Variants in NTN1 observed in about 807,000 individuals in gnomAD.
NTN1 encodes netrin-1.
Under a neutral mutation model 54.2 loss-of-function variants are expected in NTN1, and 11 were observed. That is an observed-to-expected ratio of 0.20 (90% CI 0.13 to 0.34). The LOEUF (loss-of-function observed/expected upper bound fraction) is 0.34, where lower values mean the gene tolerates loss of function less well. Ranked by LOEUF, NTN1 falls within the 10% of genes least tolerant of loss-of-function variation. The pLI is 1.00. For synonymous variants in NTN1, 371 were observed against 382.0 expected (o/e 0.97, Z 0.33); for missense variants, 740 against 893.1 (o/e 0.83, Z 2.18).
chr17:9,045,683 G>A (rs1232545543), intron 2 of NTN1, among the ~76,000 whole-genome samples: 3 of 152,190 alleles, frequency 2.0e-5, no homozygotes, highest in Non-Finnish European at 4.4e-5. Context: ...TGGGGGCAGG[G>A]AAGGAGAGAT....
intron 3 of NTN1, chr17:9,171,990 G>A (rs2092388264): frequency 6.8e-6 from 1 of 147,464 alleles, no homozygotes; most frequent in African/African-American, 2.5e-5. Context: ...ACGGGTTCAA[G>A]TGATTCTCCT....
chr17:9,229,008 A>G (rs1366821285), intron 6 of NTN1, among the ~76,000 whole-genome samples: 1 of 102,124 alleles, frequency 9.8e-6, no homozygotes, highest in Non-Finnish European at 1.9e-5. Context: ...CTGTGACTGT[A>G]AGTGTGACTG....
chr17:9,085,570 G>C (rs776847759), intron 2 of NTN1, among the ~76,000 whole-genome samples: 1 of 152,198 alleles, frequency 6.6e-6, no homozygotes, highest in Non-Finnish European at 1.5e-5. Flanking sequence ...CTGTGCCTCA[G>C]TTCTTGCATC....
rs1435827656 is a variant in NTN1, at chr17:9,109,155, G to C, written c.1019-53658G>C. Reference sequence around the variant, plus strand: ...CTCCCAAAGTGCAAGGATTACAGGCGTGAGGCACAGTGCCTGGCCTGAAGT... The same window carrying C: ...CTCCCAAAGTGCAAGGATTACAGGCCTGAGGCACAGTGCCTGGCCTGAAGT... On this transcript the variant is annotated intron_variant, in intron 2 of 6. Transcript: ENST00000173229. Among the ~76,000 whole-genome samples, 3 of 152,206 alleles carry C rather than the reference G, an allele frequency of 2.0e-5. 1 individual carries two copies. In the East Asian group the frequency reaches 5.8e-4, roughly 29 times the overall value.
intron 5 of NTN1, among the ~76,000 whole-genome samples, chr17:9,208,341 G>A (rs914470594): frequency 4.6e-5 from 7 of 152,318 alleles, no homozygotes; most frequent in African/African-American, 7.2e-5. Context: ...GGGAGCCTGT[G>A]TTTGTGGGTT....
chr17:9,105,065 T>C (rs2092161665), intron 2 of NTN1, among the ~76,000 whole-genome samples: 1 of 152,186 alleles, frequency 6.6e-6, no homozygotes, highest in Non-Finnish European at 1.5e-5. Flanking sequence ...GACCCGGCAG[T>C]CCAAGGACAG....
the NTN1 span, among the ~76,000 whole-genome samples, chr17:9,015,202 G>A: frequency 5.3e-5 from 8 of 152,056 alleles, no homozygotes; most frequent in African/African-American, 1.7e-4. Context: ...CTTGAGGTCC[G>A]GAGTTCAAGA....
intron 2 of NTN1, among the ~76,000 whole-genome samples, chr17:9,146,435 C>G (rs2092313392): frequency 6.6e-6 from 1 of 152,226 alleles, no homozygotes; most frequent in African/African-American, 2.4e-5. Context: ...CTCACTCCTT[C>G]TGGGCACAGA....
intron 2 of NTN1, among the ~76,000 whole-genome samples, chr17:9,026,522 G>A (rs2091871572): frequency 6.6e-6 from 1 of 152,040 alleles, no homozygotes; most frequent in Admixed American, 6.6e-5. Flanking sequence ...GTGTTCACAT[G>A]CTTTTATACA....
At chr17:9,159,415 G>A (rs2092351482) in intron 2 of NTN1, among the ~76,000 whole-genome samples, 1 of 152,152 alleles carries the variant, frequency 6.6e-6, no homozygotes, top group African/African-American at 2.4e-5. Context: ...TCAAGCACGT[G>A]GTGAAATAGG....
intron 2 of NTN1, among the ~76,000 whole-genome samples, chr17:9,151,940 C>T (rs909708368): frequency 6.6e-6 from 1 of 152,192 alleles, no homozygotes; most frequent in Non-Finnish European, 1.5e-5. Flanking sequence ...TAAAACGCAT[C>T]AATCAGCCCG....
chr17:9,041,438 C>T (rs566596411), intron 2 of NTN1, among the ~76,000 whole-genome samples: 15 of 152,292 alleles, frequency 9.8e-5, no homozygotes, highest in East Asian at 3.9e-4. Context: ...AATAGAATCA[C>T]GTAACATATG....
chr17:9,022,515 C>A lies in NTN1; in HGVS notation c.142C>A (p.Pro48Thr), dbSNP rs866400724. 6.5e-7 allele frequency: 1 copy of A among 1,548,064 alleles called. No individual in the cohort carries two copies. Among genetic ancestry groups the A allele is most frequent in the Non-Finnish European group, 8.7e-7 (1 of 1,150,238 alleles). ...PDPCSDENGH[P>T]RRCIPDFVNA... is the part of the protein sequence containing the mutation. ...TCCCTGCTCGGACGAGAACGGCCAC[C>A]CGCGCCGCTGCATCCCGGACTTTGT... Residue 48 changes from proline to threonine, a missense_variant, in exon 2 of 7, where the codon CCG (proline) becomes ACG (threonine). Coordinates refer to ENST00000173229, the MANE Select transcript of NTN1 (RefSeq NM_004822.3).
intron 2 of NTN1, among the ~76,000 whole-genome samples, chr17:9,128,065 C>T (rs1212321474): frequency 6.6e-5 from 10 of 151,320 alleles, no homozygotes; most frequent in Non-Finnish European, 2.9e-5. Flanking sequence ...TGCAGTGAGC[C>T]GAGATTGCGC....
In NTN1 at chr17:9,023,030, C is replaced by T. The variant is rs1368422510; in HGVS notation, c.657C>T (p.Ala219=). 1 of 1,597,760 alleles carries T rather than the reference C, an allele frequency of 6.3e-7. No individual in the cohort carries two copies. Residue 219 remains alanine, a synonymous_variant, in exon 2 of 7, where the codon GCC becomes GCT. Coordinates refer to ENST00000173229, the MANE Select transcript of NTN1 (RefSeq NM_004822.3). ...GCCCGCTCTCGGGCGGCCTCATCGC[C>T]TTCAGCACGCTGGACGGGCGGCCCT... The part of the protein sequence containing the change: ...DMRPLSGGLI[A]FSTLDGRPSA...
chr17:9,117,511 C>T (rs2092217612), intron 2 of NTN1, among the ~76,000 whole-genome samples: 1 of 151,944 alleles, frequency 6.6e-6, no homozygotes, highest in Middle Eastern at 3.4e-3. Flanking sequence ...TTTGGGAGGC[C>T]GAGGAGGGTG....
In NTN1 at chr17:9,179,834, C is replaced by T. The variant is rs2092413066; in HGVS notation, c.1235C>T (p.Ala412Val). 1 of 1,613,906 alleles carries T rather than the reference C, an allele frequency of 6.2e-7. No homozygotes were observed. The highest frequency in any genetic ancestry group is 1.3e-5 in the African/African-American group (1 of 74,944). The change falls in exon 4 of 7, where the codon GCT becomes GTT. Residue 412 changes from alanine (A) to valine (V), a missense_variant. By Grantham distance (64) the Ala-to-Val change is moderately conservative (BLOSUM62 0). Transcript: ENST00000173229. The stretch of plus-strand genomic sequence containing the variant: ...TGTGATTGCCACCCTGTGGGTGCTG[C>T]TGGCAAAACCTGCAACCAAACCACC... ...KACDCHPVGA[A>V]GKTCNQTTGQ... is the part of the protein sequence containing the mutation.
chr17:9,167,128 T>G (rs1356284055), intron 3 of NTN1, among the ~76,000 whole-genome samples: 1 of 152,188 alleles, frequency 6.6e-6, no homozygotes, highest in Non-Finnish European at 1.5e-5. Flanking sequence ...TCAGTGCGAT[T>G]TCACAGCACT....
intron 2 of NTN1, among the ~76,000 whole-genome samples, chr17:9,061,063 T>C (rs1003509883): frequency 1.3e-5 from 2 of 151,766 alleles, no homozygotes; most frequent in African/African-American, 4.8e-5. Flanking sequence ...TCAACCACAG[T>C]GACCTTGGTT....
Sources: gnomAD v4.1 joint callset for allele counts (sites outside exome capture counted in the v4.1 genomes callset) on GRCh38, gnomAD v4.1.1 for gene constraint, MANE v1.5 for transcripts, NCBI Gene and HGNC (gene_info 2026-07-23, HGNC 2026-07-21) for gene names.